The following UTRN variants were observed in gnomAD, a reference collection of about 807,000 sequenced individuals.
UTRN encodes the protein utrophin.
Under a neutral mutation model 463.9 loss-of-function variants are expected in UTRN, and 283 were observed. The ratio of observed to expected loss-of-function variants is 0.61; its 90% CI spans 0.55 to 0.67. UTRN has a LOEUF of 0.67. Ranked by LOEUF, UTRN falls within the 30% of genes least tolerant of loss-of-function variation. UTRN has a pLI of 0.00. For synonymous variants in UTRN, 1,442 were observed against 1,431.5 expected, an observed-to-expected ratio of 1.01 and a Z score of -0.17; for missense variants, 3,922 against 4,084.3, an observed-to-expected ratio of 0.96 and a Z score of 1.08.
At position 144,744,320 on chromosome 6, in the gene UTRN, A is replaced by ATGTGTG. The variant is rs757430794; in HGVS notation, c.7940-3898_7940-3893dup. ...ATGGTGTATACATATATATATATAT[A>ATGTGTG]TGTGTGTGTGTGTGTGTGTGTGTGT... On this transcript the variant is annotated intron_variant, in intron 54 of 74. Transcript: ENST00000367545. 4.9e-3 allele frequency among the ~76,000 whole-genome samples: 472 copies of ATGTGTG among 95,414 alleles called. 8 individuals are homozygous for ATGTGTG. Among genetic ancestry groups the ATGTGTG allele is most frequent in the African/African-American group, 0.019 (434 of 22,640 alleles). 62.6% of individuals were successfully genotyped at this position (95,414 alleles called of 152,430 possible).
chr6:144,673,544 G>C (rs1293086852), intron 51 of UTRN, among the ~76,000 whole-genome samples: 1 of 151,950 alleles, frequency 6.6e-6, no homozygotes, highest in Non-Finnish European at 1.5e-5. Context: ...TTATGTGTTA[G>C]GTGAGTCTCT....
intron 50 of UTRN, among the ~76,000 whole-genome samples, chr6:144,565,718 G>T (rs1800342981): frequency 6.6e-6 from 1 of 152,136 alleles, no homozygotes; most frequent in South Asian, 2.1e-4. Flanking sequence ...ACACTATTTT[G>T]GTAATTCCAC....
intron 2 of UTRN, among the ~76,000 whole-genome samples, chr6:144,362,281 G>A (rs1036145293): frequency 2.0e-5 from 3 of 152,100 alleles, no homozygotes; most frequent in Non-Finnish European, 4.4e-5. Flanking sequence ...CCGCCCATCC[G>A]GTGGCACCCA....
intron 23 of UTRN, among the ~76,000 whole-genome samples, chr6:144,470,738 T>C (rs1410657825): frequency 2.0e-5 from 3 of 151,774 alleles, no homozygotes; most frequent in Non-Finnish European, 2.9e-5. Flanking sequence ...CTGGGCAACA[T>C]TGAGCACTGA....
chr6:144,617,129 T>C (rs567468907), intron 51 of UTRN, among the ~76,000 whole-genome samples: 2 of 152,282 alleles, frequency 1.3e-5, no homozygotes, highest in African/African-American at 4.8e-5. Flanking sequence ...ATAATTTTCA[T>C]TGGGATTAGT....
At chr6:144,755,942 T>A (rs1486723265) in intron 57 of UTRN, among the ~76,000 whole-genome samples, 1 of 152,098 alleles carries the variant, frequency 6.6e-6, no homozygotes, top group Admixed American at 6.6e-5. Flanking sequence ...TGCCCCTTCC[T>A]GCCCTACACC....
chr6:144,642,370 C>T (rs1777858561), intron 51 of UTRN, among the ~76,000 whole-genome samples: 1 of 152,108 alleles, frequency 6.6e-6, no homozygotes, highest in South Asian at 2.1e-4. Context: ...ATTTCATTGT[C>T]ACCTTAATAT....
intron 54 of UTRN, among the ~76,000 whole-genome samples, chr6:144,735,750 C>G (rs1295496305): frequency 1.3e-5 from 2 of 151,922 alleles, no homozygotes; most frequent in Admixed American, 1.3e-4. Flanking sequence ...CCACATTATT[C>G]TGGACTCTTC....
intron 33 of UTRN, among the ~76,000 whole-genome samples, chr6:144,497,727 T>C (rs530890655): frequency 4.6e-5 from 7 of 151,820 alleles, no homozygotes; most frequent in African/African-American, 1.7e-4. Flanking sequence ...CAGGTATGTA[T>C]TGGACATGTT....
intron 51 of UTRN, among the ~76,000 whole-genome samples, chr6:144,674,688 C>T (rs1365989606): frequency 6.6e-6 from 1 of 152,264 alleles, no homozygotes; most frequent in Non-Finnish European, 1.5e-5. Context: ...TCCCAAGTAG[C>T]TGGGACCACA....
intron 33 of UTRN, among the ~76,000 whole-genome samples, chr6:144,498,935 A>G (rs926162371): frequency 1.3e-5 from 2 of 152,138 alleles, no homozygotes; most frequent in African/African-American, 4.8e-5. Flanking sequence ...GGCCTCCCAA[A>G]GTGCTGGGAT....
chr6:144,676,946 A>G (rs1377031562), intron 51 of UTRN, among the ~76,000 whole-genome samples: 1 of 152,182 alleles, frequency 6.6e-6, no homozygotes, highest in Non-Finnish European at 1.5e-5. Context: ...AGTCTGTTGG[A>G]TATTAGGCAA....
At chr6:144,321,507 T>C (rs920069063) in intron 2 of UTRN, among the ~76,000 whole-genome samples, 3 of 145,870 alleles carry the variant, frequency 2.1e-5, no homozygotes, top group Non-Finnish European at 4.5e-5. Context: ...TCTCGCTCTG[T>C]CATCCAGGCT....
chr6:144,416,534 C>T (rs4896716), intron 3 of UTRN, among the ~76,000 whole-genome samples: 18,295 of 152,088 alleles, frequency 0.12, 1,230 homozygotes, highest in East Asian at 0.22. Flanking sequence ...TTGTGCTGAC[C>T]GTTCGCCTTT....
intron 52 of UTRN, among the ~76,000 whole-genome samples, chr6:144,694,193 TG>T (rs1448218167): frequency 6.5e-5 from 9 of 139,490 alleles, no homozygotes; most frequent in African/African-American, 1.7e-4. Flanking sequence ...TCACATTTAT[TG>T]ATTTGTATAT....
In UTRN at chr6:144,836,532, G is replaced by A; in HGVS notation, c.10056G>A (p.Leu3352=). The A allele has an allele frequency of 1.2e-6, 2 of 1,613,494 alleles. No homozygotes were observed. Among genetic ancestry groups the A allele is most frequent in the Non-Finnish European group, 1.7e-6 (2 of 1,179,944 alleles). The change falls in exon 71 of 75, where the codon CTG becomes CTA. Residue 3352 remains leucine, a synonymous_variant. Coordinates refer to ENST00000367545, the MANE Select transcript of UTRN (RefSeq NM_007124.3). ...LESQLHRLRQ[L]LEQPESDSRI... is the part of the protein sequence containing the mutation. ...CTCAGCTCCACCGCCTCCGACAGCTGCTGGAGCAGGTAGGGTGTGTAGAAT... is the reference window on the plus strand; with the variant it reads ...CTCAGCTCCACCGCCTCCGACAGCTACTGGAGCAGGTAGGGTGTGTAGAAT...
chr6:144,526,889 C>T (rs1214688792), intron 41 of UTRN, among the ~76,000 whole-genome samples: 9 of 151,928 alleles, frequency 5.9e-5, no homozygotes, highest in African/African-American at 2.2e-4. Context: ...CTCTGCCTCT[C>T]AGGTTCAAGC....
intron 46 of UTRN, among the ~76,000 whole-genome samples, chr6:144,546,689 G>A (rs1286633708): frequency 6.6e-6 from 1 of 152,018 alleles, no homozygotes; most frequent in African/African-American, 2.4e-5. Flanking sequence ...CAGGCCTGTA[G>A]TTCCAACTAA....
chr6:144,702,785 G>A (rs929229819), intron 53 of UTRN, among the ~76,000 whole-genome samples: 4 of 152,120 alleles, frequency 2.6e-5, no homozygotes, highest in Non-Finnish European at 5.9e-5. Context: ...GCATATTTGA[G>A]GAATAGCTGG....
Sources: gnomAD v4.1 joint callset for allele counts (sites outside exome capture counted in the v4.1 genomes callset) on GRCh38, gnomAD v4.1.1 for gene constraint, MANE v1.5 for transcripts, NCBI Gene and HGNC (gene_info 2026-07-23, HGNC 2026-07-21) for gene names.